Variants in PTP4A2 observed in about 807,000 individuals in gnomAD.
PTP4A2 encodes the protein protein tyrosine phosphatase type IVA 2.
PTP4A2 carries 2 observed loss-of-function variants against 22.9 expected under a neutral mutation model. The observed-to-expected ratio is 0.09, with a 90% confidence interval of 0.04 to 0.27. PTP4A2 has a LOEUF of 0.27. Ranked by LOEUF, PTP4A2 falls within the 10% of genes least tolerant of loss-of-function variation. The pLI is 1.00. For missense variants in PTP4A2, 103 were observed against 205.1 expected, an observed-to-expected ratio of 0.50 and a Z score of 3.04; for synonymous variants, 68 against 69.1, an observed-to-expected ratio of 0.98 and a Z score of 0.08.
Position 31,912,451 on chromosome 1 carries a change from G to T in PTP4A2, c.190-625C>A, listed in dbSNP as rs188697011. On this transcript the variant is annotated intron_variant, in intron 3 of 5. Transcript: ENST00000647444. ...ATATGTCCCCATTTAACAAGGACAG[G>T]GCTGCATGACAGGGTCCTGGGCAAA... Among the ~76,000 whole-genome samples the T allele has an allele frequency of 2.2e-3, 333 of 152,262 alleles. 1 individual carries two copies. In the South Asian group the frequency reaches 0.023, roughly 11 times the overall value.
At chr1:31,913,601 C>T (rs113550840) in intron 3 of PTP4A2, among the ~76,000 whole-genome samples, 4,143 of 151,726 alleles carry the variant, frequency 0.027, 186 homozygotes, top group African/African-American at 0.093. Flanking sequence ...TTTTTGATTA[C>T]GGCCATTCTT....
intron 2 of PTP4A2, among the ~76,000 whole-genome samples, chr1:31,918,113 G>A (rs895243282): frequency 2.0e-5 from 3 of 152,076 alleles, no homozygotes; most frequent in Admixed American, 2.0e-4. Flanking sequence ...GCCGGGAGTG[G>A]TGGCAGGTGC....
intron 2 of PTP4A2, among the ~76,000 whole-genome samples, chr1:31,917,051 C>G (rs1651883852): frequency 6.6e-6 from 1 of 152,170 alleles, no homozygotes; most frequent in Non-Finnish European, 1.5e-5. Context: ...ACGGTGAATC[C>G]CTAACCCAGT....
chr1:31,909,413 C>A (rs896437951), intron 5 of PTP4A2, among the ~76,000 whole-genome samples: 1 of 152,046 alleles, frequency 6.6e-6, no homozygotes, highest in African/African-American at 2.4e-5. Context: ...TGGTGGCTCA[C>A]GCCTGTAATC....
At chr1:31,916,473 C>T (rs1366998541) in intron 2 of PTP4A2, among the ~76,000 whole-genome samples, 2 of 150,600 alleles carry the variant, frequency 1.3e-5, no homozygotes, top group Non-Finnish European at 3.0e-5. Context: ...CTCATGAAAT[C>T]TCAGTGGCAG....
chr1:31,926,149 AATATATAT>A, intron 1 of PTP4A2, among the ~76,000 whole-genome samples: 1 of 131,350 alleles, frequency 7.6e-6, no homozygotes, highest in East Asian at 2.1e-4. Context: ...AAAAAAAAAA[AATATATAT>A]ATATATATAT....
chr1:31,911,653 G>T (rs1651538778), intron 4 of PTP4A2, 43 bp downstream of exon 4: 2 of 1,505,336 alleles, frequency 1.3e-6, no homozygotes, highest in East Asian at 4.9e-5. Context: ...CTTAGGCATG[G>T]TAATGAATTC....
At chr1:31,922,607 TTTC>T (rs1557865637) in intron 1 of PTP4A2, among the ~76,000 whole-genome samples, 4 of 132,794 alleles carry the variant, frequency 3.0e-5, no homozygotes, top group African/African-American at 3.9e-5. Flanking sequence ...TCTTTCTTTC[TTTC>T]TTTCTTTCTT....
chr1:31,930,271 C>T (rs1452979873), intron 1 of PTP4A2, among the ~76,000 whole-genome samples: 3 of 152,084 alleles, frequency 2.0e-5, no homozygotes, highest in Admixed American at 2.0e-4. Context: ...CCCGGGGGGG[C>T]GGAACCTGCA....
chr1:31,910,771 GT>G (rs1171807979), intron 4 of PTP4A2: 1 of 152,084 alleles, frequency 6.6e-6, no homozygotes, highest in Non-Finnish European at 1.5e-5. Context: ...TATCTCCAAT[GT>G]GTCAGAATTT....
chr1:31,923,459 C>T (rs987650374), intron 1 of PTP4A2, among the ~76,000 whole-genome samples: 8 of 151,088 alleles, frequency 5.3e-5, no homozygotes, highest in African/African-American at 1.7e-4. Context: ...CTCAGCCTCC[C>T]GAGTAGCTGG....
At chr1:31,927,696 A>G (rs1330599892) in intron 1 of PTP4A2, among the ~76,000 whole-genome samples, 1 of 152,194 alleles carries the variant, frequency 6.6e-6, no homozygotes, top group Non-Finnish European at 1.5e-5. Flanking sequence ...GTTTCAAGAT[A>G]CACTTTGACG....
intron 3 of PTP4A2, among the ~76,000 whole-genome samples, 170 bp from the exon 4 acceptor site, chr1:31,911,996 A>C (rs1651559093): frequency 6.6e-6 from 1 of 152,240 alleles, no homozygotes; most frequent in African/African-American, 2.4e-5. Context: ...CCAGGATTGA[A>C]ATTAAAGTTT....
rs1651319796 is a variant in PTP4A2, at chr1:31,908,167, T to C, written c.*685A>G. Reference sequence around the variant, plus strand: ...ATATATATATATATATATATATATATATATATATATATATATATATATATA... The same window carrying C: ...ATATATATATATATATATATATATACATATATATATATATATATATATATA... On this transcript the variant is annotated 3_prime_UTR_variant, in exon 6 of 6. Transcript: ENST00000647444. 4.7e-5 allele frequency: 1 copy of C among 21,440 alleles called. No homozygotes were observed. The highest frequency in any genetic ancestry group is 2.0e-4 in the African/African-American group (1 of 4,960). The allele number at this position is 21,440 out of a possible 1,614,324, so 1.3% of individuals were successfully genotyped here. A position where few individuals can be genotyped will look rare whatever the true frequency, so the allele number is the denominator to read the frequency against.
At chr1:31,915,577 T>C in intron 3 of PTP4A2, 1 of 184,184 alleles carries the variant, frequency 5.4e-6, no homozygotes, top group Non-Finnish European at 1.1e-5. Context: ...TTTCCCTCTG[T>C]CACCCAGGCT....
chr1:31,931,756 C>G (rs1652737465), intron 1 of PTP4A2, among the ~76,000 whole-genome samples: 1 of 152,108 alleles, frequency 6.6e-6, no homozygotes, highest in Non-Finnish European at 1.5e-5. Context: ...TGTTTGTAAC[C>G]ACACATGTGG....
At chr1:31,914,247 C>T (rs375556433) in intron 3 of PTP4A2, 19 of 455,082 alleles carry the variant, frequency 4.2e-5, no homozygotes, top group African/African-American at 1.6e-4. Flanking sequence ...TTGTATTTTT[C>T]GGAGAGACAG....
At chr1:31,917,398 T>C (rs568992374) in intron 2 of PTP4A2, among the ~76,000 whole-genome samples, 1 of 152,354 alleles carries the variant, frequency 6.6e-6, no homozygotes, top group East Asian at 1.9e-4. Context: ...GGCCTTCTTA[T>C]AATACAGACT....
At chr1:31,937,196 T>C (rs1385658140) in intron 1 of PTP4A2, among the ~76,000 whole-genome samples, 2 of 152,140 alleles carry the variant, frequency 1.3e-5, no homozygotes, top group Admixed American at 6.5e-5. Flanking sequence ...AAAATTTACT[T>C]TGAAGTCATG....
Sources: allele counts gnomAD v4.1 joint callset (sites outside exome capture counted in the v4.1 genomes callset), GRCh38; gene constraint gnomAD v4.1.1; transcripts MANE v1.5; gene names NCBI Gene and HGNC (gene_info 2026-07-23, HGNC 2026-07-21).